The following RD3 variants were observed in gnomAD, a reference collection of about 807,000 sequenced individuals.
RD3 encodes the protein RD3 regulator of GUCY2D.
RD3 carries 11 observed loss-of-function variants against 16.9 expected under a neutral mutation model. The observed-to-expected ratio is 0.65, with a 90% CI of 0.41 to 1.08. The LOEUF is 1.08. RD3 is among the 50% of genes least tolerant of loss of function. The probability of loss-of-function intolerance (pLI) is 0.00; values close to 1 mark genes in which losing one functional copy is unlikely to be tolerated. For missense variants in RD3, 274 were observed against 267.4 expected (o/e 1.02, Z -0.17); for synonymous variants, 116 against 114.8 (o/e 1.01, Z -0.07).
Position 211,482,174 on chromosome 1 carries a change from A to T in RD3, c.-11-748T>A, listed in dbSNP as rs150960095. Among the ~76,000 whole-genome samples the T allele has an allele frequency of 6.1e-3, 930 of 151,974 alleles. 28 individuals carry two copies. The highest frequency in any genetic ancestry group is 0.022 in the African/African-American group (896 of 41,256). On this transcript the variant is annotated intron_variant, in intron 1 of 2. Coordinates refer to ENST00000680073, the MANE Select transcript of RD3 (RefSeq NM_001164688.2). ...GAGGTGGAGGTTGGGGTGAGCCAAG[A>T]TCACACCATTGCACTCCAGCCTGGG...
At position 211,477,865 on chromosome 1, in the gene RD3, A is replaced by C. The variant is rs1705176629; in HGVS notation, c.*1171T>G. 5.2e-6 allele frequency: 2 copies of C among 381,698 alleles called. No individual in the cohort carries two copies. Among genetic ancestry groups the C allele is most frequent in the Non-Finnish European group, 9.3e-6 (2 of 216,106 alleles). 23.6% of individuals were successfully genotyped at this position (381,698 alleles called of 1,614,324 possible). A position where few individuals can be genotyped will look rare whatever the true frequency, so the allele number is the denominator to read the frequency against. On this transcript the variant is annotated 3_prime_UTR_variant, in exon 3 of 3. Transcript: ENST00000680073. ...ACCCATCCCCCTTACACCCCACTTC[A>C]ACCCCAGAGTGTGTGGGAAGGCCTC...
In RD3 at chr1:211,478,253, C is replaced by T; in HGVS notation, c.*783G>A. 1.3e-5 allele frequency: 5 copies of T among 398,520 alleles called. No homozygotes were observed. Among genetic ancestry groups the T allele is most frequent in the Non-Finnish European group, 2.2e-5 (5 of 226,078 alleles). The allele number at this position is 398,520 out of a possible 1,614,324, so 24.7% of individuals were successfully genotyped here. On this transcript the variant is annotated 3_prime_UTR_variant, in exon 3 of 3. Transcript: ENST00000680073. ...AGTAACCTACCTCCACCCCTAGCTACACTTCTTGGAGAGCAGCTTAGATTC... is the reference window on the plus strand; with the variant it reads ...AGTAACCTACCTCCACCCCTAGCTATACTTCTTGGAGAGCAGCTTAGATTC...
rs1705202465 is a variant in RD3, at chr1:211,478,860, A to C, written c.*176T>G. 1.6e-6 allele frequency: 1 copy of C among 629,332 alleles called. No individual in the cohort carries two copies. The highest frequency in any genetic ancestry group is 3.0e-5 in the Admixed American group (1 of 33,370). 39.0% of individuals were successfully genotyped at this position (629,332 alleles called of 1,614,324 possible). Reference sequence around the variant, plus strand: ...CGACCTAACTCAGCTTTGTGGCCAGAGGAAGAGGATGGGGCAGGGAGTCGC... The same window carrying C: ...CGACCTAACTCAGCTTTGTGGCCAGCGGAAGAGGATGGGGCAGGGAGTCGC... On this transcript the variant is annotated 3_prime_UTR_variant, in exon 3 of 3. Coordinates refer to ENST00000680073, the MANE Select transcript of RD3 (RefSeq NM_001164688.2).
chr1:211,478,895 TAG>T lies in RD3; in HGVS notation c.*139_*140del. 1 of 729,370 alleles carries T rather than the reference TAG, an allele frequency of 1.4e-6. No homozygotes were observed. The highest frequency in any genetic ancestry group is 2.2e-6 in the Non-Finnish European group (1 of 458,338). 45.2% of individuals were successfully genotyped at this position (729,370 alleles called of 1,614,324 possible). A position where few individuals can be genotyped will look rare whatever the true frequency, so the allele number is the denominator to read the frequency against. ...TGGGGCAGGGAGTCGCTTCATTTTA[TAG>T]CAGCGTCTTGGGATGGGGCCGCCTC... On this transcript the variant is annotated 3_prime_UTR_variant, in exon 3 of 3. Transcript: ENST00000680073.
At chr1:211,483,743 C>T (rs1025645390) in intron 1 of RD3, among the ~76,000 whole-genome samples, 1 of 152,094 alleles carries the variant, frequency 6.6e-6, no homozygotes, top group Non-Finnish European at 1.5e-5. Flanking sequence ...TCAGGAGCCT[C>T]GCCTAAGGCT....
intron 1 of RD3, among the ~76,000 whole-genome samples, chr1:211,487,462 G>T (rs114547036): frequency 6.6e-6 from 1 of 152,178 alleles, no homozygotes; most frequent in Non-Finnish European, 1.5e-5. Flanking sequence ...CCTTCATAGG[G>T]CCAAGCCCTT....
chr1:211,491,453 C>G (rs1212747233), intron 1 of RD3, among the ~76,000 whole-genome samples: 1 of 152,214 alleles, frequency 6.6e-6, no homozygotes, highest in Admixed American at 6.5e-5. Context: ...GGGTCCTCCC[C>G]GAGAGGCTTG....
At chr1:211,486,708 G>T (rs1412546095) in intron 1 of RD3, among the ~76,000 whole-genome samples, 3 of 151,562 alleles carry the variant, frequency 2.0e-5, no homozygotes, top group Non-Finnish European at 4.4e-5. Flanking sequence ...AATTAGCCAG[G>T]CATGCATGCC....
In RD3 at chr1:211,476,696, G is replaced by A. The variant is rs1442329881; in HGVS notation, c.*2340C>T. 6.6e-6 allele frequency: 1 copy of A among 152,152 alleles called. No homozygotes were observed. Among genetic ancestry groups the A allele is most frequent in the Admixed American group, 6.5e-5 (1 of 15,278 alleles). 9.4% of individuals were successfully genotyped at this position (152,152 alleles called of 1,614,324 possible). A position where few individuals can be genotyped will look rare whatever the true frequency, so the allele number is the denominator to read the frequency against. On this transcript the variant is annotated 3_prime_UTR_variant, in exon 3 of 3. Coordinates refer to ENST00000680073, the MANE Select transcript of RD3 (RefSeq NM_001164688.2). ...AGTCTGAGGAGTGTCTAAGGAGGGTGGTGGATTCTGTCCACATGCCTGCGG... is the reference window on the plus strand; with the variant it reads ...AGTCTGAGGAGTGTCTAAGGAGGGTAGTGGATTCTGTCCACATGCCTGCGG...
At chr1:211,489,765 C>A (rs1705449255) in intron 1 of RD3, among the ~76,000 whole-genome samples, 1 of 152,098 alleles carries the variant, frequency 6.6e-6, no homozygotes, top group South Asian at 2.1e-4. Context: ...TCCTGGCCTT[C>A]CCCAGCCCTG....
chr1:211,483,057 G>A (rs970990761), intron 1 of RD3, among the ~76,000 whole-genome samples: 1 of 151,896 alleles, frequency 6.6e-6, no homozygotes, highest in Non-Finnish European at 1.5e-5. Flanking sequence ...CAGACACAAA[G>A]GAGAATATTA....
Position 211,492,016 on chromosome 1 carries a change from T to G in RD3, c.-260A>C, listed in dbSNP as rs1705500734. On this transcript the variant is annotated 5_prime_UTR_variant, in exon 1 of 3. Transcript: ENST00000680073. ...CCAAGAGAAGAGACAGGAGGAGAGA[T>G]CCAGCCTGGACTATTGTTTGTGGGG... 6.6e-6 allele frequency: 1 copy of G among 151,916 alleles called. No individual in the cohort carries two copies. The highest frequency in any genetic ancestry group is 1.5e-5 in the Non-Finnish European group (1 of 68,424). The allele number at this position is 151,916 out of a possible 1,614,324, so 9.4% of individuals were successfully genotyped here.
Position 211,481,371 on chromosome 1 carries a change from C to G in RD3, c.45G>C (p.Arg15=). 2.5e-6 allele frequency: 4 copies of G among 1,613,740 alleles called. No individual in the cohort carries two copies. The highest frequency in any genetic ancestry group is 3.4e-6 in the Non-Finnish European group (4 of 1,180,036). Residue 15 remains arginine (R), a synonymous_variant, in exon 2 of 3, where the codon CGG becomes CGC. Transcript: ENST00000680073. ...SWLRWNEAPS[R]LSTRSPAEMV... is the part of the protein sequence containing the mutation. ...TCTCAGCAGGGCTCCTGGTGGACAG[C>G]CGGGATGGGGCCTCGTTCCACCGAA...
At position 211,481,276 on chromosome 1, in the gene RD3, C is replaced by T. The variant is rs756510440; in HGVS notation, c.140G>A (p.Arg47His). ...MREAERQQRE[R>H]SNAVRKVCTG... is the part of the protein sequence containing the mutation. ...GCAGACCTTTCTGACCGCATTGCTG[C>T]GCTCCCGCTGCTGCCTCTCAGCCTC... The change falls in exon 2 of 3, where the codon CGC becomes CAC. Residue 47 changes from arginine (R) to histidine (H), a missense_variant. Coordinates refer to ENST00000680073, the MANE Select transcript of RD3 (RefSeq NM_001164688.2). The T allele has an allele frequency of 1.7e-5, 27 of 1,614,136 alleles. No individual in the cohort carries two copies. Among genetic ancestry groups the T allele is most frequent in the Middle Eastern group, 1.6e-4 (1 of 6,084 alleles).
rs1193809758 is a variant in RD3 at position 211,481,326 on chromosome 1, C to G, written c.90G>C (p.Met30Ile). 6.2e-7 allele frequency: 1 copy of G among 1,614,112 alleles called. No homozygotes were observed. ...SPAEMVLETL[M>I]MELTGQMREA... Reference sequence around the variant, plus strand: ...CTCGCATCTGCCCCGTCAGCTCCATCATAAGCGTCTCCAGCACCATCTCAG... The same window carrying G: ...CTCGCATCTGCCCCGTCAGCTCCATGATAAGCGTCTCCAGCACCATCTCAG... Residue 30 changes from methionine (M) to isoleucine (I), a missense_variant, in exon 2 of 3, where the codon ATG becomes ATC. Physicochemically the swap from Met to Ile is conservative, Grantham distance 10. Transcript: ENST00000680073.
chr1:211,481,660 CTG>C (rs1705268795), intron 1 of RD3, among the ~76,000 whole-genome samples: 1 of 152,230 alleles, frequency 6.6e-6, no homozygotes, highest in South Asian at 2.1e-4. Context: ...ACTTTGTACA[CTG>C]TAAACATCAC....
intron 1 of RD3, among the ~76,000 whole-genome samples, chr1:211,483,181 G>T (rs1705309859): frequency 6.6e-6 from 1 of 151,856 alleles, no homozygotes; most frequent in South Asian, 2.1e-4. Context: ...CTGAAAACAG[G>T]CCAGGCATGA....
intron 1 of RD3, among the ~76,000 whole-genome samples, chr1:211,483,355 AG>A (rs1705314112): frequency 6.6e-6 from 1 of 151,840 alleles, no homozygotes; most frequent in African/African-American, 2.4e-5. Flanking sequence ...CCAGCTACTC[AG>A]GAGGCTGAGG....
rs374930500 is a variant in RD3 at position 211,482,094 on chromosome 1, T to G, written c.-11-668A>C. On this transcript the variant is annotated intron_variant, in intron 1 of 2. Transcript: ENST00000680073. ...AAAATTAGCCAGATGTGGTGGTGCATGCCTGTAATCCCAGCTACTCGGGAG... is the reference window on the plus strand; with the variant it reads ...AAAATTAGCCAGATGTGGTGGTGCAGGCCTGTAATCCCAGCTACTCGGGAG... Among the ~76,000 whole-genome samples the G allele has an allele frequency of 1.1e-4, 17 of 149,872 alleles. 1 individual carries two copies. The highest frequency in any genetic ancestry group is 4.3e-4 in the African/African-American group (17 of 39,308).
Sources: allele counts gnomAD v4.1 joint callset (sites outside exome capture counted in the v4.1 genomes callset), GRCh38; gene constraint gnomAD v4.1.1; transcripts MANE v1.5; gene names NCBI Gene and HGNC (gene_info 2026-07-23, HGNC 2026-07-21).